PLEC: variants seen among roughly 807,000 people sequenced by gnomAD.
PLEC encodes hemidesmosomal protein 1.
A neutral mutation model predicts 392.8 loss-of-function variants in PLEC; 216 were observed. The ratio of observed to expected loss-of-function variants is 0.55; its 90% CI spans 0.49 to 0.62. The LOEUF is 0.62. PLEC is among the 20% of genes least tolerant of loss of function. The probability of loss-of-function intolerance (pLI) is 0.00; values close to 1 mark genes in which losing one functional copy is unlikely to be tolerated. For synonymous variants in PLEC, 3,621 were observed against 2,980.6 expected (o/e 1.21, Z -7.00); for missense variants, 6,863 against 6,563.4 (o/e 1.05, Z -1.58).
chr8:143,950,762 G>T, exon 1 of PLEC: 1 of 1,536,022 alleles, frequency 6.5e-7, no homozygotes, highest in South Asian at 1.2e-5. Context: ...AGGGTACCAC[G>T]AGAAGGCCCG....
upstream of PLEC, among the ~76,000 whole-genome samples, chr8:143,940,085 C>T (rs1213377450): frequency 6.6e-6 from 1 of 152,250 alleles, no homozygotes; most frequent in Non-Finnish European, 1.5e-5. Flanking sequence ...TCAGCTCTTG[C>T]AGCCCCCCAA....
In PLEC at chr8:143,950,572, G is replaced by A. The variant is rs782655421; in HGVS notation, c.135C>T (p.Asn45=). ...ACGCCATGGCACGCATGACCTGCAG[G>A]TTGGTGACGCCGGGCACATGGGGGT... is the stretch of plus-strand genomic sequence containing the variant. Residue 45 remains asparagine, a synonymous_variant, in exon 1 of 32, where the codon AAC becomes AAT. Coordinates refer to the PLEC transcript ENST00000322810. 1.9e-6 allele frequency: 3 copies of A among 1,608,644 alleles called. No individual in the cohort carries two copies. In the Admixed American group the frequency reaches 5.1e-5, roughly 27 times the overall value.
intron 1 of PLEC, chr8:143,950,173 G>T: frequency 2.7e-6 from 4 of 1,502,408 alleles, no homozygotes; most frequent in East Asian, 4.9e-5. Context: ...TGGGGTCAGG[G>T]TGCAGCTGAC....
In PLEC at chr8:143,960,625, A is replaced by G. The variant is rs535037243; in HGVS notation, c.70+12778T>C. The stretch of plus-strand genomic sequence containing the variant: ...AAGCAAGACTCTGTCTCAAGAAAAA[A>G]AAAAAGAACTTATAACAGTTTACAT... On this transcript the variant is annotated intron_variant, in intron 1 of 31. Transcript: ENST00000356346. Among the ~76,000 whole-genome samples the G allele has an allele frequency of 2.6e-5, 4 of 152,312 alleles. No individual in the cohort carries two copies. In the East Asian group the frequency reaches 7.7e-4, roughly 29 times the overall value.
At position 143,921,982 on chromosome 8, in the gene PLEC, C is replaced by T. The variant is rs1563998754; in HGVS notation, c.7839G>A (p.Glu2613=). 6.3e-7 allele frequency: 1 copy of T among 1,598,764 alleles called. No homozygotes were observed. Among genetic ancestry groups the T allele is most frequent in the Admixed American group, 1.7e-5 (1 of 60,000 alleles). The change falls in exon 32 of 32, where the codon GAG becomes GAA. Residue 2613 remains glutamate, a synonymous_variant. Coordinates refer to ENST00000345136, the MANE Select transcript of PLEC (RefSeq NM_201384.3). ...CAGCCACCTGCGAGGCAGTGACCTC[C>T]TCTGAGTGCGCCAGCGCGGCCCGGT... is the stretch of plus-strand genomic sequence containing the variant. The part of the protein sequence containing the change: ...EQHRAALAHS[E]EVTASQVAAT...
chr8:143,920,080 C>T lies in PLEC; in HGVS notation c.9741G>A (p.Lys3247=), dbSNP rs2857805. ...TPVEVPVGGF[K]GRTVTVWELI... The stretch of plus-strand genomic sequence containing the variant: ...GCTCCCACACCGTCACCGTCCTGCC[C>T]TTGAAGCCACCCACGGGGACCTCAA... Residue 3247 remains lysine, a synonymous_variant, in exon 32 of 32, where the codon AAG becomes AAA. Coordinates refer to ENST00000345136, the MANE Select transcript of PLEC (RefSeq NM_201384.3). The T allele has an allele frequency of 1.9e-5, 30 of 1,613,154 alleles. No individual in the cohort carries two copies. The South Asian group carries it at 2.7e-4, about 15-fold the overall frequency.
At chr8:143,951,111 C>T (rs1832102808), upstream of PLEC, among the ~76,000 whole-genome samples, 1 of 152,164 alleles carries the variant, frequency 6.6e-6, no homozygotes, top group Non-Finnish European at 1.5e-5. Flanking sequence ...TCAGAAATGA[C>T]ATCAGTTTCT....
chr8:143,923,267 C>A lies in PLEC; in HGVS notation c.6662G>T (p.Arg2221Leu), dbSNP rs782458946. The change falls in exon 31 of 32, where the codon CGC becomes CTC. Residue 2221 changes from arginine (R) to leucine (L), a missense_variant. Physicochemically the swap from Arg to Leu is moderately radical, Grantham distance 102. Coordinates refer to ENST00000345136, the MANE Select transcript of PLEC (RefSeq NM_201384.3). ...RLKAEATEAA[R>L]QRSQVEEELF... ...CTCCTCCTCCACCTGGCTGCGCTGGCGTGCGGCCTCCGTGGCCTCCGCCTT... is the reference window on the plus strand; with the variant it reads ...CTCCTCCTCCACCTGGCTGCGCTGGAGTGCGGCCTCCGTGGCCTCCGCCTT... 8 of 1,606,522 alleles carry A rather than the reference C, an allele frequency of 5.0e-6. No individual in the cohort carries two copies. Among genetic ancestry groups the A allele is most frequent in the Non-Finnish European group, 5.1e-6 (6 of 1,179,882 alleles).
chr8:143,938,425 G>A (rs1554725560), intron 2 of PLEC, 185 bp from the exon 3 acceptor site: 6 of 1,538,152 alleles, frequency 3.9e-6, no homozygotes, highest in Non-Finnish European at 4.4e-6. Flanking sequence ...GCTGCAAGGA[G>A]AGACCAGGAA....
At chr8:143,937,384 C>G (rs189026752) in intron 3 of PLEC, 142 bp from the exon 4 acceptor site, 1 of 691,928 alleles carries the variant, frequency 1.4e-6, no homozygotes. Context: ...CACCCTCCCC[C>G]GCAGGGAAAG....
intron 1 of PLEC, among the ~76,000 whole-genome samples, chr8:143,972,920 G>T (rs1433941260): frequency 1.3e-5 from 2 of 152,094 alleles, no homozygotes; most frequent in African/African-American, 2.4e-5. Context: ...AAGGGGTGTG[G>T]GGGGGGTGCC....
chr8:143,923,625 G>A lies in PLEC; in HGVS notation c.6304C>T (p.Arg2102Cys), dbSNP rs550190726. 10 of 1,587,386 alleles carry A rather than the reference G, an allele frequency of 6.3e-6. No homozygotes were observed. The East Asian group carries it at 6.8e-5, about 11-fold the overall frequency. ...TGCCGCCGGGACTGCGCCGCCTCAC[G>A]CTCCGCCTGCACCCGGGCCTCCTCC... ...EAEEARVQAE[R>C]EAAQSRRQVE... The change falls in exon 31 of 32, where the codon CGT becomes TGT. Residue 2102 changes from arginine to cysteine, a missense_variant. By Grantham distance (180) the Arg-to-Cys change is radical (BLOSUM62 -3). Transcript: ENST00000345136.
rs782151966 is a variant in PLEC at position 143,922,951 on chromosome 8, C to T, written c.6978G>A (p.Lys2326=). The T allele has an allele frequency of 1.3e-5, 21 of 1,609,226 alleles. No individual in the cohort carries two copies. In the African/African-American group the frequency reaches 2.3e-4, roughly 17 times the overall value. The change falls in exon 31 of 32, where the codon AAG becomes AAA. Residue 2326 remains lysine (K), a synonymous_variant. Coordinates refer to ENST00000345136, the MANE Select transcript of PLEC (RefSeq NM_201384.3). ...MQAVQEATRL[K]AEAELLQQQK... is the part of the protein sequence containing the mutation. ...GCTGCTGCAGCAGTTCCGCCTCAGC[C>T]TTGAGTCGCGTGGCCTCCTGCACCG...
At position 143,924,916 on chromosome 8, in the gene PLEC, G is replaced by C; in HGVS notation, c.5013C>G (p.Arg1671=). The change falls in exon 31 of 32, where the codon CGC becomes CGG. Residue 1671 remains arginine, a synonymous_variant. Transcript: ENST00000345136. ...CCGCCTTGCCGCGCCGCCGCGCCTC[G>C]CGCTCCGCCTCCTCCTTCTGCTTCT... ...EAEKQKEEAE[R]EARRRGKAEE... is the part of the protein sequence containing the mutation. The C allele has an allele frequency of 6.3e-7, 1 of 1,585,062 alleles. No homozygotes were observed.
chr8:143,953,855 C>G, upstream of PLEC: 2 of 1,578,502 alleles, frequency 1.3e-6, no homozygotes, highest in Non-Finnish European at 1.7e-6. Context: ...GCGCCGCAGC[C>G]GGGGGAGGAG....
chr8:143,923,473 C>T lies in PLEC; in HGVS notation c.6456G>A (p.Ala2152=), dbSNP rs201072292. The change falls in exon 31 of 32, where the codon GCG becomes GCA. Residue 2152 remains alanine, a synonymous_variant. Coordinates refer to ENST00000345136, the MANE Select transcript of PLEC (RefSeq NM_201384.3). ...AEQEAARRAQ[A]EQAALRQKQA... ...GCTTCTGCCGCAGGGCCGCCTGCTC[C>T]GCCTGTGCCCGCCGCGCCGCCTCTT... is the stretch of plus-strand genomic sequence containing the variant. 2.5e-4 allele frequency: 406 copies of T among 1,601,634 alleles called. 6 individuals carry two copies. In the African/African-American group the frequency reaches 3.4e-3, roughly 13 times the overall value.
At chr8:143,957,609 C>G (rs1195140417), upstream of PLEC, among the ~76,000 whole-genome samples, 1 of 152,226 alleles carries the variant, frequency 6.6e-6, no homozygotes, top group Non-Finnish European at 1.5e-5. Flanking sequence ...CCCAACCCCT[C>G]TGTCTGGGCA....
In PLEC at chr8:143,920,505, T is replaced by C. The variant is rs368572993; in HGVS notation, c.9316A>G (p.Arg3106Gly). Residue 3106 changes from arginine (R) to glycine (G), a missense_variant, in exon 32 of 32, where the codon AGG (arginine) becomes GGG (glycine). By Grantham distance (125) the Arg-to-Gly change is moderately radical. Transcript: ENST00000345136. Reference sequence around the variant, plus strand: ...ACGCTCTGCCCTGTGTAGGGGTCCCTGTACCCTGTCACAGCCTTCTCGGCT... The same window carrying C: ...ACGCTCTGCCCTGTGTAGGGGTCCCCGTACCCTGTCACAGCCTTCTCGGCT... ...LSAEKAVTGY[R>G]DPYTGQSVSL... The C allele has an allele frequency of 4.3e-6, 7 of 1,610,630 alleles. No homozygotes were observed. In the East Asian group the frequency reaches 8.9e-5, roughly 21 times the overall value.
At position 143,924,500 on chromosome 8, in the gene PLEC, G is replaced by A. The variant is rs781987856; in HGVS notation, c.5429C>T (p.Ala1810Val). The A allele has an allele frequency of 1.6e-5, 24 of 1,541,848 alleles. No homozygotes were observed. Among genetic ancestry groups the A allele is most frequent in the South Asian group, 2.4e-5 (2 of 85,038 alleles). Reference sequence around the variant, plus strand: ...CTGCCGCTGCCGCTTGGCCTCTTCCGCCAGGGCACGCAGGCGGGCGGCCTC... The same window carrying A: ...CTGCCGCTGCCGCTTGGCCTCTTCCACCAGGGCACGCAGGCGGGCGGCCTC... ...AEEAARLRALAEEAKRQRQLA... is the reference protein window; with the variant it reads ...AEEAARLRALVEEAKRQRQLA... The change falls in exon 31 of 32, where the codon GCG becomes GTG. Residue 1810 changes from alanine (A) to valine (V), a missense_variant. By Grantham distance (64) the Ala-to-Val change is moderately conservative. Transcript: ENST00000345136.
Sources: allele counts gnomAD v4.1 joint callset (sites outside exome capture counted in the v4.1 genomes callset), GRCh38; gene constraint gnomAD v4.1.1; transcripts MANE v1.5; gene names NCBI Gene and HGNC (gene_info 2026-07-23, HGNC 2026-07-21).